PKHD1: variants seen among roughly 807,000 people sequenced by gnomAD.
PKHD1 encodes the protein PKHD1 ciliary IPT domain containing fibrocystin/polyductin, also known as fibrocystin.
PKHD1 carries 291 observed loss-of-function variants against 412.0 expected under a neutral mutation model. The observed-to-expected ratio is 0.71, with a 90% CI of 0.64 to 0.78. The LOEUF (loss-of-function observed/expected upper bound fraction) is 0.78, where lower values mean the gene tolerates loss of function less well. Among genes scored for constraint, PKHD1 ranks in the 30% least tolerant of loss-of-function variants. The pLI, the probability that PKHD1 is intolerant of heterozygous loss-of-function variation, is 0.00. For synonymous variants in PKHD1, 1,777 were observed against 1,821.5 expected (o/e 0.98, Z 0.62); for missense variants, 4,825 against 4,950.7 (o/e 0.97, Z 0.76).
At chr6:51,694,550 T>G (rs887875301) in intron 60 of PKHD1, among the ~76,000 whole-genome samples, 33 of 126,758 alleles carry the variant, frequency 2.6e-4, no homozygotes, top group Non-Finnish European at 5.0e-4. Flanking sequence ...CAACCAGCCT[T>G]TTTTTTTTTT....
chr6:51,977,345 C>T (rs1794595606), intron 35 of PKHD1, among the ~76,000 whole-genome samples: 1 of 152,252 alleles, frequency 6.6e-6, no homozygotes, highest in East Asian at 1.9e-4. Context: ...TACTCCCCTA[C>T]TCCCAACCTG....
chr6:52,015,597 G>C (rs932698317), intron 34 of PKHD1, among the ~76,000 whole-genome samples: 4 of 151,920 alleles, frequency 2.6e-5, no homozygotes, highest in African/African-American at 9.7e-5. Flanking sequence ...GGCTGAGGTG[G>C]GCAGATCATG....
At chr6:51,873,013 C>G (rs912225206) in intron 46 of PKHD1, among the ~76,000 whole-genome samples, 1 of 151,014 alleles carries the variant, frequency 6.6e-6, no homozygotes, top group Admixed American at 6.6e-5. Context: ...AAGGAAATCT[C>G]CAGGATAATG....
At chr6:51,856,447 G>A (rs13212288) in intron 48 of PKHD1, among the ~76,000 whole-genome samples, 1 of 152,208 alleles carries the variant, frequency 6.6e-6, no homozygotes, top group Non-Finnish European at 1.5e-5. Flanking sequence ...TCACATTAAT[G>A]ATTTTGTATG....
At chr6:51,722,446 G>T (rs899593113) in intron 60 of PKHD1, among the ~76,000 whole-genome samples, 1 of 152,108 alleles carries the variant, frequency 6.6e-6, no homozygotes, top group Non-Finnish European at 1.5e-5. Flanking sequence ...GCAAAGCCTG[G>T]CTTTATCACT....
chr6:51,639,073 G>A (rs553630176), intron 63 of PKHD1, 117 bp from the exon 64 acceptor site: 1 of 790,744 alleles, frequency 1.3e-6, no homozygotes, highest in South Asian at 1.4e-5. Context: ...TAAACTCAAA[G>A]AGGTTACCTA....
intron 36 of PKHD1, among the ~76,000 whole-genome samples, chr6:51,950,492 T>C (rs1219025281): frequency 1.3e-5 from 2 of 152,070 alleles, no homozygotes; most frequent in Non-Finnish European, 2.9e-5. Flanking sequence ...GCTCCTTTTA[T>C]TGTTTTAGGC....
At chr6:52,076,427 G>T in intron 5 of PKHD1, 94 bp from the exon 6 acceptor site, 1 of 870,726 alleles carries the variant, frequency 1.1e-6, no homozygotes. Flanking sequence ...TTACTTGAAG[G>T]TAATAAATGC....
intron 60 of PKHD1, among the ~76,000 whole-genome samples, chr6:51,694,548 CTTTTTTT>C (rs67157925): frequency 1.6e-4 from 6 of 37,706 alleles, no homozygotes; most frequent in Admixed American, 5.4e-4. Flanking sequence ...CACAACCAGC[CTTTTTTT>C]TTTTTTTTTT....
chr6:51,807,479 A>ATGTG lies in PKHD1; in HGVS notation c.8303-16107_8303-16106insCACA, dbSNP rs1216842472. ...AAAAAATATATATATATATATATAT[A>ATGTG]TGTATATGTGTGTGTGTGTGTGTGT... On this transcript the variant is annotated intron_variant, in intron 52 of 66. Transcript: ENST00000371117. Among the ~76,000 whole-genome samples the ATGTG allele has an allele frequency of 4.6e-3, 473 of 103,434 alleles. 5 individuals are homozygous for ATGTG. The highest frequency in any genetic ancestry group is 0.01 in the Middle Eastern group (2 of 198). The allele number at this position is 103,434 out of a possible 152,430, so 67.9% of individuals were successfully genotyped here. A position where few individuals can be genotyped will look rare whatever the true frequency, so the allele number is the denominator to read the frequency against.
At chr6:51,809,638 T>C (rs1764381027) in intron 52 of PKHD1, among the ~76,000 whole-genome samples, 1 of 152,094 alleles carries the variant, frequency 6.6e-6, no homozygotes, top group Non-Finnish European at 1.5e-5. Flanking sequence ...TGTGTCTTCC[T>C]GTATTTGTAC....
chr6:51,708,445 A>C (rs1474723798), intron 60 of PKHD1, among the ~76,000 whole-genome samples: 1 of 152,208 alleles, frequency 6.6e-6, no homozygotes, highest in Admixed American at 6.5e-5. Context: ...TCTTTTAAAC[A>C]TGCAGGTCTA....
chr6:51,761,572 C>T (rs941967154), intron 55 of PKHD1, among the ~76,000 whole-genome samples: 2 of 151,908 alleles, frequency 1.3e-5, no homozygotes, highest in Non-Finnish European at 2.9e-5. Context: ...TTTAAAAATG[C>T]TGAGTGTGGA....
At chr6:51,627,138 AG>A in intron 65 of PKHD1, 22 bp from the exon 66 acceptor site, 1 of 1,610,214 alleles carries the variant, frequency 6.2e-7, no homozygotes, top group Non-Finnish European at 8.5e-7. Flanking sequence ...GAGAAGAAAA[AG>A]GATTTTTTTG....
rs370815744 is a variant in PKHD1, at chr6:52,046,191, G to A, written c.2408-3C>T. ...AGCAGAAATTTGTACAGGGACATCT[G>A]TGAGAGAAGGTTTTGATACAGAAAA... On this transcript the variant is annotated splice_region_variant and splice_polypyrimidine_tract_variant and intron_variant, in intron 23 of 66. Coordinates refer to ENST00000371117, the MANE Select transcript of PKHD1 (RefSeq NM_138694.4). The A allele has an allele frequency of 6.2e-7, 1 of 1,607,382 alleles. No individual in the cohort carries two copies. Among genetic ancestry groups the A allele is most frequent in the African/African-American group, 1.3e-5 (1 of 74,884 alleles).
chr6:51,906,172 C>G (rs1467551657), intron 41 of PKHD1, 43 bp downstream of exon 41: 7 of 1,563,186 alleles, frequency 4.5e-6, no homozygotes, highest in Non-Finnish European at 6.2e-6. Flanking sequence ...AAAACTGTGT[C>G]CTACACAAGA....
intron 27 of PKHD1, among the ~76,000 whole-genome samples, chr6:52,037,804 C>T (rs745736305): frequency 6.6e-6 from 1 of 152,110 alleles, no homozygotes; most frequent in Admixed American, 6.5e-5. Context: ...TGCAAATAAC[C>T]TCTTGACCCA....
chr6:52,058,622 C>T, intron 15 of PKHD1, 21 bp from the exon 16 acceptor site: 1 of 1,611,280 alleles, frequency 6.2e-7, no homozygotes, highest in South Asian at 1.1e-5. Context: ...ATAAGCATAT[C>T]ATGATCAATA....
intron 36 of PKHD1, among the ~76,000 whole-genome samples, chr6:51,956,294 A>G (rs1188682782): frequency 1.8e-5 from 2 of 111,512 alleles, no homozygotes; most frequent in Non-Finnish European, 3.6e-5. Flanking sequence ...ATATGTGTGT[A>G]CTTATACATA....
Sources: allele counts gnomAD v4.1 joint callset (sites outside exome capture counted in the v4.1 genomes callset), GRCh38; gene constraint gnomAD v4.1.1; transcripts MANE v1.5; gene names NCBI Gene and HGNC (gene_info 2026-07-23, HGNC 2026-07-21).